Variants in SMAD2 observed in about 807,000 individuals in gnomAD.
SMAD2 encodes the protein MAD homolog 2.
SMAD2 carries 8 observed loss-of-function variants against 64.4 expected under a neutral mutation model. The observed-to-expected ratio is 0.12, with a 90% CI of 0.07 to 0.22. The LOEUF (loss-of-function observed/expected upper bound fraction) is 0.22, where lower values mean the gene tolerates loss of function less well. SMAD2 is among the 10% of genes least tolerant of loss of function. The pLI is 1.00. For missense variants in SMAD2, 289 were observed against 561.2 expected (o/e 0.51, Z 4.90); for synonymous variants, 203 against 195.8 (o/e 1.04, Z -0.31).
At chr18:47,900,634 A>C (rs1173237778) in intron 1 of SMAD2, among the ~76,000 whole-genome samples, 1 of 151,868 alleles carries the variant, frequency 6.6e-6, no homozygotes, top group Non-Finnish European at 1.5e-5. Context: ...TCTTGTCTTC[A>C]TTATTTCTTT....
intron 2 of SMAD2, among the ~76,000 whole-genome samples, chr18:47,892,063 G>A (rs2033220954): frequency 6.6e-6 from 1 of 152,080 alleles, no homozygotes; most frequent in Non-Finnish European, 1.5e-5. Flanking sequence ...AATATGAATA[G>A]CAAATTTTAT....
intron 1 of SMAD2, among the ~76,000 whole-genome samples, chr18:47,912,831 T>TA (rs1367193030): frequency 8.9e-5 from 1 of 11,234 alleles, no homozygotes; most frequent in African/African-American, 3.3e-4. Flanking sequence ...AAAAAAAGAA[T>TA]AAAAAATGAA....
chr18:47,867,703 A>G (rs1040471712), intron 5 of SMAD2, among the ~76,000 whole-genome samples: 3 of 151,810 alleles, frequency 2.0e-5, no homozygotes, highest in African/African-American at 7.2e-5. Flanking sequence ...GCCAGATATC[A>G]TATCGTGGAG....
At position 47,870,608 on chromosome 18, in the gene SMAD2, G is replaced by T. The variant is rs778058910; in HGVS notation, c.237-44C>A. 3 of 1,200,722 alleles carry T rather than the reference G, an allele frequency of 2.5e-6. No homozygotes were observed. In the South Asian group the frequency reaches 3.6e-5, roughly 15 times the overall value. The allele number at this position is 1,200,722 out of a possible 1,614,324, so 74.4% of individuals were successfully genotyped here. On this transcript the variant is annotated intron_variant, in intron 2 of 10. Coordinates refer to ENST00000262160, the MANE Select transcript of SMAD2 (RefSeq NM_005901.6). ...ACAAAAAATTGATGTGAACATGGAA[G>T]CATGGTTATTCAAAATACCATGATG...
At chr18:47,864,315 C>G (rs1454090135) in intron 6 of SMAD2, among the ~76,000 whole-genome samples, 2 of 152,048 alleles carry the variant, frequency 1.3e-5, no homozygotes, top group Admixed American at 6.6e-5. Context: ...CCTCCCTCCC[C>G]CACCAATGTT....
chr18:47,888,167 G>A (rs1011028673), intron 2 of SMAD2, among the ~76,000 whole-genome samples: 7 of 151,658 alleles, frequency 4.6e-5, no homozygotes, highest in African/African-American at 1.7e-4. Context: ...GGTCACAGCA[G>A]TCCAATGTTC....
rs747735596 is a variant in SMAD2, at chr18:47,869,349, G to A, written c.414C>T (p.His138=). Reference sequence around the variant, plus strand: ...CAATTGCCTTGAGTTCATGATGACTGTGAAGATCAGGCCAGCGCCATAATC... The same window carrying A: ...CAATTGCCTTGAGTTCATGATGACTATGAAGATCAGGCCAGCGCCATAATC... ...YCRLWRWPDL[H]SHHELKAIEN... is the part of the protein sequence containing the mutation. Residue 138 remains histidine, a synonymous_variant, in exon 4 of 11, where the codon CAC becomes CAT. Coordinates refer to ENST00000262160, the MANE Select transcript of SMAD2 (RefSeq NM_005901.6). The A allele has an allele frequency of 1.2e-5, 20 of 1,613,364 alleles. No homozygotes were observed. In the South Asian group the frequency reaches 1.9e-4, roughly 15 times the overall value.
intron 2 of SMAD2, among the ~76,000 whole-genome samples, chr18:47,892,104 T>C (rs1347922282): frequency 1.3e-5 from 2 of 152,196 alleles, no homozygotes; most frequent in Admixed American, 6.5e-5. Context: ...ATGATGATCA[T>C]AAAGTGCTTC....
intron 2 of SMAD2, chr18:47,895,313 C>T (rs2033389229): frequency 6.6e-6 from 1 of 152,224 alleles, no homozygotes; most frequent in Admixed American, 6.5e-5. Context: ...AAGACTCTTC[C>T]CTCAGTTGGC....
At chr18:47,841,992 C>T (rs2144277486) in intron 10 of SMAD2, 42 bp from the exon 11 acceptor site, 1 of 1,611,660 alleles carries the variant, frequency 6.2e-7, no homozygotes, top group Non-Finnish European at 8.5e-7. Flanking sequence ...AAATTCAAGT[C>T]CACAGGCAGG....
At chr18:47,887,826 G>A (rs1007715034) in intron 2 of SMAD2, among the ~76,000 whole-genome samples, 1 of 152,096 alleles carries the variant, frequency 6.6e-6, no homozygotes, top group Non-Finnish European at 1.5e-5. Flanking sequence ...AGAAGTTCTC[G>A]TCAAGTCCTT....
chr18:47,830,750 T>C lies in SMAD2; in HGVS notation c.*11077A>G, dbSNP rs1189032589. 1.3e-5 allele frequency: 2 copies of C among 154,382 alleles called. No homozygotes were observed. Among genetic ancestry groups the C allele is most frequent in the Admixed American group, 6.5e-5 (1 of 15,316 alleles). The allele number at this position is 154,382 out of a possible 1,614,324, so 9.6% of individuals were successfully genotyped here. A position where few individuals can be genotyped will look rare whatever the true frequency, so the allele number is the denominator to read the frequency against. ...CAAGACCTCTCATGAAGAAAAACTT[T>C]ACAAGATTTAAAATCAGAGCAAATG... On this transcript the variant is annotated 3_prime_UTR_variant, in exon 11 of 11. Coordinates refer to ENST00000262160, the MANE Select transcript of SMAD2 (RefSeq NM_005901.6).
At chr18:47,893,169 A>G (rs780505651) in intron 2 of SMAD2, among the ~76,000 whole-genome samples, 2 of 152,218 alleles carry the variant, frequency 1.3e-5, no homozygotes, top group Admixed American at 1.3e-4. Context: ...ATTGAGGTTA[A>G]GCTCTACCTA....
Position 47,811,920 on chromosome 18 carries a change from T to G in SMAD2, c.*29907A>C, listed in dbSNP as rs1912219252. 1 of 152,180 alleles carries G rather than the reference T, an allele frequency of 6.6e-6. No homozygotes were observed. The highest frequency in any genetic ancestry group is 2.4e-5 in the African/African-American group (1 of 41,432). 9.4% of individuals were successfully genotyped at this position (152,180 alleles called of 1,614,324 possible). Reference sequence around the variant, plus strand: ...GAAGCAGACACAAAGATGTAGCATATATAAAAAGGAAATGTTTGGGAAAAA... The same window carrying G: ...GAAGCAGACACAAAGATGTAGCATAGATAAAAAGGAAATGTTTGGGAAAAA... On this transcript the variant is annotated 3_prime_UTR_variant, in exon 11 of 11. Transcript: ENST00000262160.
At position 47,834,150 on chromosome 18, in the gene SMAD2, T is replaced by G; in HGVS notation, c.*7677A>C. The stretch of plus-strand genomic sequence containing the variant: ...GTATCAGAAATGTTGACAGCCATAG[T>G]GCAGCTGAGTTTAGAAGCAACTATG... On this transcript the variant is annotated 3_prime_UTR_variant, in exon 11 of 11. Coordinates refer to ENST00000262160, the MANE Select transcript of SMAD2 (RefSeq NM_005901.6). 1 of 213,316 alleles carries G rather than the reference T, an allele frequency of 4.7e-6. No individual in the cohort carries two copies. Among genetic ancestry groups the G allele is most frequent in the Non-Finnish European group, 9.5e-6 (1 of 105,456 alleles). The allele number at this position is 213,316 out of a possible 1,614,324, so 13.2% of individuals were successfully genotyped here.
At position 47,840,111 on chromosome 18, in the gene SMAD2, A is replaced by C. The variant is rs1913798995; in HGVS notation, c.*1716T>G. ...GAATGAATAAAAAATTACTATACCA[A>C]ATTTACATGAACACATACATATACA... On this transcript the variant is annotated 3_prime_UTR_variant, in exon 11 of 11. Coordinates refer to ENST00000262160, the MANE Select transcript of SMAD2 (RefSeq NM_005901.6). 4.3e-6 allele frequency: 1 copy of C among 233,088 alleles called. No homozygotes were observed. The highest frequency in any genetic ancestry group is 2.2e-5 in the African/African-American group (1 of 45,318). 14.4% of individuals were successfully genotyped at this position (233,088 alleles called of 1,614,324 possible). A position where few individuals can be genotyped will look rare whatever the true frequency, so the allele number is the denominator to read the frequency against.
Position 47,886,498 on chromosome 18 carries a change from T to C in SMAD2, c.236+10023A>G, listed in dbSNP as rs189719883. 1.1e-4 allele frequency among the ~76,000 whole-genome samples: 16 copies of C among 152,224 alleles called. No homozygotes were observed. In the East Asian group the frequency reaches 2.7e-3, roughly 26 times the overall value. Reference sequence around the variant, plus strand: ...GTCCCTATCATCCTAAACATAAATATAAAACCTTCTTTCATTGCCCCCAAA... The same window carrying C: ...GTCCCTATCATCCTAAACATAAATACAAAACCTTCTTTCATTGCCCCCAAA... On this transcript the variant is annotated intron_variant, in intron 2 of 10. Transcript: ENST00000262160.
Position 47,825,916 on chromosome 18 carries a change from G to C in SMAD2, c.*15911C>G, listed in dbSNP as rs569061254. ...ATGAAGTAAAGCAGATAGCATCTTT[G>C]CATTTAAGAAGTCCCAGAAAGGTTT... On this transcript the variant is annotated 3_prime_UTR_variant, in exon 11 of 11. Transcript: ENST00000262160. 9 of 152,332 alleles carry C rather than the reference G, an allele frequency of 5.9e-5. No individual in the cohort carries two copies. The South Asian group carries it at 1.9e-3, about 32-fold the overall frequency. The allele number at this position is 152,332 out of a possible 1,614,324, so 9.4% of individuals were successfully genotyped here. A position where few individuals can be genotyped will look rare whatever the true frequency, so the allele number is the denominator to read the frequency against.
rs1912571779 is a variant in SMAD2, at chr18:47,821,458, G to A, written c.*20369C>T. On this transcript the variant is annotated 3_prime_UTR_variant, in exon 11 of 11. Transcript: ENST00000262160. ...ATTCTGAATTCTTGGCTCTTCTCAT[G>A]TTTGAATTGTTCCACGCAAGCAGGA... is the stretch of plus-strand genomic sequence containing the variant. 1 of 152,156 alleles carries A rather than the reference G, an allele frequency of 6.6e-6. No individual in the cohort carries two copies. The highest frequency in any genetic ancestry group is 1.5e-5 in the Non-Finnish European group (1 of 67,998). The allele number at this position is 152,156 out of a possible 1,614,324, so 9.4% of individuals were successfully genotyped here. A position where few individuals can be genotyped will look rare whatever the true frequency, so the allele number is the denominator to read the frequency against.
Sources: gnomAD v4.1 joint callset for allele counts (sites outside exome capture counted in the v4.1 genomes callset) on GRCh38, gnomAD v4.1.1 for gene constraint, MANE v1.5 for transcripts, NCBI Gene and HGNC (gene_info 2026-07-23, HGNC 2026-07-21) for gene names.